SARS1: variants seen among roughly 807,000 people sequenced by gnomAD.
SARS1 encodes the protein seryl-tRNA synthetase 1.
In SARS1, 25 loss-of-function variants were observed where a neutral mutation model predicts 63.7. That is an observed-to-expected ratio of 0.39 (90% CI 0.29 to 0.55). The LOEUF (loss-of-function observed/expected upper bound fraction) is 0.55, where lower values mean the gene tolerates loss of function less well. SARS1 is among the 20% of genes least tolerant of loss of function. The probability of loss-of-function intolerance (pLI) is 0.62; values close to 1 mark genes in which losing one functional copy is unlikely to be tolerated. For missense variants in SARS1, 417 were observed against 649.7 expected (o/e 0.64, Z 3.89); for synonymous variants, 231 against 243.5 (o/e 0.95, Z 0.48).
chr1:109,214,832 G>A lies in SARS1; in HGVS notation c.136+704G>A, dbSNP rs1654748586. On this transcript the variant is annotated intron_variant, in intron 1 of 10. Transcript: ENST00000234677. This position sits in a 1 kb window ranked among gnomAD's most constrained non-coding sequence, Gnocchi z 4.6. ...ACGTTTTCCTTTAAAGACATTGGCA[G>A]AGTTGGGCTAGAACCTGGAACTGCC... 1.0e-6 allele frequency: 1 copy of A among 985,380 alleles called. No individual in the cohort carries two copies. Among genetic ancestry groups the A allele is most frequent in the Non-Finnish European group, 1.2e-6 (1 of 829,968 alleles). 61.0% of individuals were successfully genotyped at this position (985,380 alleles called of 1,614,324 possible).
rs7552768 is a variant in SARS1, at chr1:109,226,740, T to A, written c.208-1612T>A. 0.017 allele frequency among the ~76,000 whole-genome samples: 274 copies of A among 16,376 alleles called. 8 individuals are homozygous for A. In the South Asian group the frequency reaches 0.21, roughly 12 times the overall value. 10.7% of individuals were successfully genotyped at this position (16,376 alleles called of 152,430 possible). A position where few individuals can be genotyped will look rare whatever the true frequency, so the allele number is the denominator to read the frequency against. ...CACACACACACACATATATATATAT[T>A]TATTTATTTATTTATTTATTTATAT... is the stretch of plus-strand genomic sequence containing the variant. On this transcript the variant is annotated intron_variant, in intron 2 of 10. Transcript: ENST00000234677.
At chr1:109,224,080 A>G (rs1284761734) in intron 2 of SARS1, 32 bp downstream of exon 2, 32 of 1,496,938 alleles carry the variant, frequency 2.1e-5, no homozygotes, top group Non-Finnish European at 3.0e-5. Flanking sequence ...CAGCCATGAG[A>G]ACTTGAGCGG....
rs1036242723 is a variant in SARS1, at chr1:109,213,999, C to T, written c.7C>T (p.Leu3=). 6 of 1,612,230 alleles carry T rather than the reference C, an allele frequency of 3.7e-6. No individual in the cohort carries two copies. The highest frequency in any genetic ancestry group is 5.1e-6 in the Non-Finnish European group (6 of 1,179,262). The change falls in exon 1 of 11, where the codon CTG becomes TTG. Residue 3 remains leucine, a synonymous_variant. Transcript: ENST00000234677. MV[L]DLDLFRVDKG... is the part of the protein sequence containing the mutation. ...TGGCCCGGGAGGAAAGAAGATGGTG[C>T]TGGATCTGGATTTGTTTCGGGTGGA...
chr1:109,217,006 C>T, intron 1 of SARS1: 9 of 985,416 alleles, frequency 9.1e-6, no homozygotes, highest in Non-Finnish European at 1.1e-5. Flanking sequence ...ACTGGAATAG[C>T]TTTCTATCTG....
intron 1 of SARS1, among the ~76,000 whole-genome samples, chr1:109,221,974 A>G (rs1303949622): frequency 0.041 from 111 of 2,712 alleles, 2 homozygotes; most frequent in Middle Eastern, 0.12. Context: ...GTGTGTGTAT[A>G]TATATATATA....
At chr1:109,227,479 T>C (rs527493611) in intron 2 of SARS1, among the ~76,000 whole-genome samples, 1 of 152,346 alleles carries the variant, frequency 6.6e-6, no homozygotes, top group East Asian at 1.9e-4. Flanking sequence ...CATTGATTGT[T>C]CTAAACTGAG....
intron 1 of SARS1, among the ~76,000 whole-genome samples, chr1:109,223,115 G>C (rs1654985470): frequency 1.3e-5 from 2 of 152,208 alleles, no homozygotes; most frequent in Non-Finnish European, 2.9e-5. Flanking sequence ...GATGATCCAT[G>C]ATACCAATAT....
chr1:109,230,778 C>G (rs1033234739), intron 4 of SARS1, 100 bp from the exon 5 acceptor site: 2 of 1,095,372 alleles, frequency 1.8e-6, no homozygotes, highest in African/African-American at 1.7e-5. Context: ...GCACTCCAGC[C>G]TGGATGACGG....
rs747627298 is a variant in SARS1, at chr1:109,231,687, A to G, written c.648A>G (p.Gly216=). 1.3e-6 allele frequency: 2 copies of G among 1,592,144 alleles called. No homozygotes were observed. Among genetic ancestry groups the G allele is most frequent in the South Asian group, 2.3e-5 (2 of 88,230 alleles). ...TCCAGTATGCCCTTCGCACCTTGGG[A>G]AGTCGGGGCTACATTCCCATTTATA... is the stretch of plus-strand genomic sequence containing the variant. ...ALIQYALRTL[G]SRGYIPIYTP... Residue 216 remains glycine, a synonymous_variant, in exon 6 of 11, where the codon GGA becomes GGG. Transcript: ENST00000234677.
In SARS1 at chr1:109,230,471, C is replaced by T. The variant is rs57068911; in HGVS notation, c.448-407C>T. 7.0e-3 allele frequency among the ~76,000 whole-genome samples: 1,069 copies of T among 152,062 alleles called. 17 individuals are homozygous for T. The highest frequency in any genetic ancestry group is 0.024 in the African/African-American group (998 of 41,476). Reference sequence around the variant, plus strand: ...GATGACTTCACAAAGTTAAGTTGTTCGTGGAATAAAGTTTGGAAAGATGGA... The same window carrying T: ...GATGACTTCACAAAGTTAAGTTGTTTGTGGAATAAAGTTTGGAAAGATGGA... On this transcript the variant is annotated intron_variant, in intron 4 of 10. Transcript: ENST00000234677.
chr1:109,219,262 C>CATATATATATATATATATAT (rs142272817), intron 1 of SARS1, among the ~76,000 whole-genome samples: 1,478 of 76,308 alleles, frequency 0.019, 54 homozygotes, highest in African/African-American at 0.024. Context: ...CAAGACTCTC[C>CATATATATATATATATATAT]ATATATATAT....
intron 2 of SARS1, among the ~76,000 whole-genome samples, chr1:109,226,677 A>ATATATATATATATAT (rs1553177727): frequency 2.2e-5 from 1 of 44,964 alleles, no homozygotes; most frequent in African/African-American, 8.3e-5. Flanking sequence ...AAAAAAAAAA[A>ATATATATATATATAT]ATATATATAT....
chr1:109,234,573 C>T (rs1003646054), intron 6 of SARS1, among the ~76,000 whole-genome samples: 2 of 152,070 alleles, frequency 1.3e-5, no homozygotes, highest in Non-Finnish European at 2.9e-5. Flanking sequence ...GTTTAGTAAA[C>T]GTCTCACAAG....
At chr1:109,233,160 ATTTAAT>A (rs1006005921) in intron 6 of SARS1, among the ~76,000 whole-genome samples, 3 of 50,586 alleles carry the variant, frequency 5.9e-5, no homozygotes, top group Non-Finnish European at 1.1e-4. Flanking sequence ...TTTTAATTTA[ATTTAAT>A]TTTTTTTTTT....
At position 109,231,728 on chromosome 1, in the gene SARS1, G is replaced by A; in HGVS notation, c.689G>A (p.Arg230Lys). The A allele has an allele frequency of 6.3e-7, 1 of 1,599,138 alleles. No homozygotes were observed. Among genetic ancestry groups the A allele is most frequent in the Non-Finnish European group, 8.5e-7 (1 of 1,173,560 alleles). ...YIPIYTPFFM[R>K]KEVMQEVAQL... ...CCCATTTATACCCCCTTTTTCATGA[G>A]GAAGGAGGTCATGCAGGAGGTGGCA... Residue 230 changes from arginine to lysine, a missense_variant, in exon 6 of 11, where the codon AGG becomes AAG. Physicochemically the swap from Arg to Lys is conservative, Grantham distance 26 (BLOSUM62 2). This residue lies in a region of SARS1 where 359 missense variants were observed against 529.6 expected (regional missense o/e 0.68). Coordinates refer to ENST00000234677, the MANE Select transcript of SARS1 (RefSeq NM_006513.4).
chr1:109,232,886 C>T (rs1396329711), intron 6 of SARS1, among the ~76,000 whole-genome samples: 1 of 152,202 alleles, frequency 6.6e-6, no homozygotes, highest in Non-Finnish European at 1.5e-5. Context: ...AGCTGGTGCT[C>T]TCTGAGTCCT....
At chr1:109,216,518 T>A (rs1448107552) in intron 1 of SARS1, 1 of 985,334 alleles carries the variant, frequency 1.0e-6, no homozygotes, top group South Asian at 4.7e-5. Context: ...AGCAAATAGA[T>A]TTCCATGTAA....
chr1:109,228,139 G>T (rs1655131877), intron 2 of SARS1, among the ~76,000 whole-genome samples: 1 of 152,146 alleles, frequency 6.6e-6, no homozygotes, highest in Non-Finnish European at 1.5e-5. Flanking sequence ...GGATCAAAAA[G>T]CTATTAAGTG....
chr1:109,215,418 T>A (rs1654760765), intron 1 of SARS1: 1 of 985,316 alleles, frequency 1.0e-6, no homozygotes, highest in African/African-American at 1.7e-5. Flanking sequence ...ATCTGAGGGA[T>A]TTGTCCCTTA....
Sources: gnomAD v4.1 joint callset for allele counts (sites outside exome capture counted in the v4.1 genomes callset) on GRCh38, gnomAD v4.1.1 for gene constraint, gnomAD v4.1.1 regional missense constraint, Gnocchi (gnomAD v3.1) non-coding constraint, MANE v1.5 for transcripts, NCBI Gene and HGNC (gene_info 2026-07-23, HGNC 2026-07-21) for gene names.